Variants in CACNB4 observed in about 807,000 individuals in gnomAD.
The protein encoded by CACNB4 is voltage-dependent L-type calcium channel subunit beta-4.
CACNB4 carries 32 observed loss-of-function variants against 71.2 expected under a neutral mutation model. That is an observed-to-expected ratio of 0.45 (90% CI 0.34 to 0.60). The LOEUF is 0.60. CACNB4 is among the 20% of genes least tolerant of loss of function. CACNB4 has a pLI of 0.01. For missense variants in CACNB4, 464 were observed against 647.9 expected (o/e 0.72, Z 3.08); for synonymous variants, 231 against 236.9 (o/e 0.97, Z 0.23).
At chr2:151,899,394 G>A (rs1395646853) in intron 2 of CACNB4, among the ~76,000 whole-genome samples, 2 of 152,138 alleles carry the variant, frequency 1.3e-5, no homozygotes, top group African/African-American at 2.4e-5. Context: ...GAATAAAGGG[G>A]CCTCAGAGAT....
rs149002702 is a variant in CACNB4, at chr2:151,888,131, C to T, written c.148-4761G>A. On this transcript the variant is annotated intron_variant, in intron 2 of 13. Transcript: ENST00000539935. ...TTGCAGCCATTCTCCATTCCCAGCT[C>T]GGGACTAGGCATCTACTTACTTACC... Among the ~76,000 whole-genome samples the T allele has an allele frequency of 1.7e-3, 256 of 152,304 alleles. 1 individual carries two copies. Among genetic ancestry groups the T allele is most frequent in the African/African-American group, 5.8e-3 (243 of 41,562 alleles).
At chr2:151,884,306 A>T (rs1394134399) in intron 2 of CACNB4, 1 of 149,540 alleles carries the variant, frequency 6.7e-6, no homozygotes, top group African/African-American at 2.5e-5. Context: ...TCTCAAAAAA[A>T]AAATAAAATA....
Position 151,860,839 on chromosome 2 carries a change from A to AAC in CACNB4, c.759-21_759-20dup, listed in dbSNP as rs2099841446. ...TGAAATCCTATGAATAGGAACACAG[A>AAC]ACAGAACAAGCCAGTAAAAATGTTA... On this transcript the variant is annotated intron_variant, in intron 9 of 13. Transcript: ENST00000539935. 1 of 1,514,122 alleles carries AAC rather than the reference A, an allele frequency of 6.6e-7. No individual in the cohort carries two copies. The highest frequency in any genetic ancestry group is 1.4e-5 in the African/African-American group (1 of 73,062). The allele number at this position is 1,514,122 out of a possible 1,614,324, so 93.8% of individuals were successfully genotyped here. A position where few individuals can be genotyped will look rare whatever the true frequency, so the allele number is the denominator to read the frequency against.
intron 12 of CACNB4, chr2:151,850,201 G>A (rs2099838719): frequency 7.6e-6 from 1 of 132,094 alleles, no homozygotes. Flanking sequence ...CTGGAGTGCA[G>A]TGGCATGGTC....
chr2:152,015,845 C>G (rs1273838164), intron 2 of CACNB4, among the ~76,000 whole-genome samples: 1 of 152,226 alleles, frequency 6.6e-6, no homozygotes, highest in Non-Finnish European at 1.5e-5. Flanking sequence ...CCCAACATAG[C>G]CTTTATACTT....
At chr2:151,844,995 G>A (rs917140796) in intron 12 of CACNB4, among the ~76,000 whole-genome samples, 5 of 152,146 alleles carry the variant, frequency 3.3e-5, no homozygotes, top group Non-Finnish European at 7.4e-5. Context: ...TACCTAGGCC[G>A]GATGGGTCCT....
At chr2:151,962,177 C>T (rs1355680313) in intron 2 of CACNB4, among the ~76,000 whole-genome samples, 2 of 152,170 alleles carry the variant, frequency 1.3e-5, no homozygotes, top group African/African-American at 2.4e-5. Flanking sequence ...TCAAAGCTGG[C>T]TGTATCCATC....
At chr2:151,877,078 T>A (rs139769943) in intron 4 of CACNB4, among the ~76,000 whole-genome samples, 3 of 79,064 alleles carry the variant, frequency 3.8e-5, no homozygotes, top group African/African-American at 1.4e-4. Flanking sequence ...CACATAGATA[T>A]CTATATATAC....
chr2:152,020,731 C>T (rs892301248), intron 2 of CACNB4, among the ~76,000 whole-genome samples: 3 of 152,060 alleles, frequency 2.0e-5, no homozygotes, highest in Non-Finnish European at 4.4e-5. Flanking sequence ...ATGCTGGTAA[C>T]GGGGTTAGAA....
chr2:152,086,184 A>G (rs766393711), intron 2 of CACNB4, among the ~76,000 whole-genome samples: 1 of 152,252 alleles, frequency 6.6e-6, no homozygotes, highest in Non-Finnish European at 1.5e-5. Flanking sequence ...TTAAAAAGAT[A>G]TTAGATATAG....
intron 10 of CACNB4, among the ~76,000 whole-genome samples, chr2:151,855,750 A>G (rs939086975): frequency 3.9e-5 from 6 of 152,352 alleles, no homozygotes; most frequent in Admixed American, 3.3e-4. Context: ...TATATGTGCA[A>G]AGCAACATCA....
At chr2:152,043,643 A>C (rs547441007) in intron 2 of CACNB4, among the ~76,000 whole-genome samples, 25 of 152,284 alleles carry the variant, frequency 1.6e-4, no homozygotes, top group Admixed American at 1.2e-3. Flanking sequence ...CTTCACACTT[A>C]AAGTGAGAGG....
intron 5 of CACNB4, chr2:151,875,010 A>G (rs1026992019): frequency 2.2e-5 from 9 of 404,698 alleles, no homozygotes; most frequent in Non-Finnish European, 3.0e-5. Flanking sequence ...GGACCTGCAC[A>G]TACCATCACA....
intron 2 of CACNB4, among the ~76,000 whole-genome samples, chr2:152,052,843 G>A (rs573078681): frequency 1.1e-4 from 17 of 152,054 alleles, no homozygotes; most frequent in East Asian, 5.8e-4. Flanking sequence ...TTGGCTGGGC[G>A]TGGTGGCAGG....
chr2:151,877,374 T>C (rs570783640), intron 4 of CACNB4, among the ~76,000 whole-genome samples: 1 of 152,308 alleles, frequency 6.6e-6, no homozygotes, highest in East Asian at 1.9e-4. Flanking sequence ...ACCTGTGGGC[T>C]ATAGTTTGTG....
intron 2 of CACNB4, among the ~76,000 whole-genome samples, chr2:152,078,954 C>T (rs1485876299): frequency 6.6e-6 from 1 of 152,138 alleles, no homozygotes; most frequent in Non-Finnish European, 1.5e-5. Flanking sequence ...TCTCTCACAC[C>T]CTCTTCTGCA....
At chr2:151,915,034 C>T (rs979204109) in intron 2 of CACNB4, among the ~76,000 whole-genome samples, 5 of 152,120 alleles carry the variant, frequency 3.3e-5, no homozygotes, top group African/African-American at 1.2e-4. Context: ...CTGGGGGAAA[C>T]CCACTCATCT....
chr2:151,954,576 G>C (rs1018502023), intron 2 of CACNB4, among the ~76,000 whole-genome samples: 1 of 152,086 alleles, frequency 6.6e-6, no homozygotes, highest in African/African-American at 2.4e-5. Context: ...GTTCATTTGC[G>C]GGGTTCATTC....
chr2:152,085,624 T>C (rs1687617159), intron 2 of CACNB4, among the ~76,000 whole-genome samples: 1 of 152,156 alleles, frequency 6.6e-6, no homozygotes, highest in African/African-American at 2.4e-5. Flanking sequence ...GCTTGTTCCC[T>C]TCTCAGCTCC....
Sources: gnomAD v4.1 joint callset for allele counts (sites outside exome capture counted in the v4.1 genomes callset) on GRCh38, gnomAD v4.1.1 for gene constraint, MANE v1.5 for transcripts, NCBI Gene and HGNC (gene_info 2026-07-23, HGNC 2026-07-21) for gene names.